Variants in VIRMA observed in about 807,000 individuals in gnomAD.
VIRMA encodes protein virilizer homolog.
Under a neutral mutation model 182.4 loss-of-function variants are expected in VIRMA, and 65 were observed. The ratio of observed to expected loss-of-function variants is 0.36; its 90% CI spans 0.29 to 0.44. The LOEUF (loss-of-function observed/expected upper bound fraction) is 0.44. Among genes scored for constraint, VIRMA ranks in the 20% least tolerant of loss-of-function variants. The pLI is 1.00. For synonymous variants in VIRMA, 709 were observed against 743.1 expected, an observed-to-expected ratio of 0.95 and a Z score of 0.75; for missense variants, 1,752 against 2,158.1, an observed-to-expected ratio of 0.81 and a Z score of 3.73.
intron 15 of VIRMA, among the ~76,000 whole-genome samples, chr8:94,507,287 C>T (rs1343356676): frequency 6.6e-6 from 1 of 151,738 alleles, no homozygotes. Flanking sequence ...AGGAATGCAG[C>T]ACCACACCCG....
chr8:94,543,401 C>CAAAA (rs1162030319), intron 2 of VIRMA, among the ~76,000 whole-genome samples: 1,104 of 43,134 alleles, frequency 0.026, 20 homozygotes, highest in Non-Finnish European at 0.038. Flanking sequence ...AACTCCATCT[C>CAAAA]AAAAAAAAAA....
chr8:94,509,625 TACACACACACAC>T, intron 15 of VIRMA, 51 bp downstream of exon 15: 1 of 1,412,364 alleles, frequency 7.1e-7, no homozygotes, highest in Non-Finnish European at 9.5e-7. Context: ...GATGCTTAAA[TACACACACACAC>T]ACACACACAT....
Position 94,527,356 on chromosome 8 carries a change from A to G in VIRMA, c.888T>C (p.Asp296=), listed in dbSNP as rs1372441534. The G allele has an allele frequency of 6.4e-7, 1 of 1,555,832 alleles. No individual in the cohort carries two copies. Among genetic ancestry groups the G allele is most frequent in the East Asian group, 2.3e-5 (1 of 44,082 alleles). ...GEEDEEGEGD[D]GYEQISSDED... ...CATCACTGGAAATTTGTTCATAACC[A>G]TCATCCCCTGAAAATTAGTATGAAT... The change falls in exon 8 of 24, where the codon GAT becomes GAC. Residue 296 remains aspartate (D), a synonymous_variant. Coordinates refer to ENST00000297591, the MANE Select transcript of VIRMA (RefSeq NM_015496.5).
At chr8:94,490,252 A>G in intron 22 of VIRMA, 170 bp from the exon 23 acceptor site, 1 of 632,592 alleles carries the variant, frequency 1.6e-6, no homozygotes, top group South Asian at 2.5e-5. Context: ...GAGGCTCTAG[A>G]GCCAAACTGC....
chr8:94,539,201 C>A (rs902073631), intron 2 of VIRMA, among the ~76,000 whole-genome samples: 1 of 152,024 alleles, frequency 6.6e-6, no homozygotes, highest in Non-Finnish European at 1.5e-5. Flanking sequence ...TGTTTCCTTT[C>A]GTTACCAAAA....
intron 20 of VIRMA, among the ~76,000 whole-genome samples, chr8:94,494,048 CA>C (rs1813689411): frequency 6.6e-6 from 1 of 152,156 alleles, no homozygotes; most frequent in African/African-American, 2.4e-5. Flanking sequence ...AACCCAAATG[CA>C]AGAATAAACT....
At chr8:94,496,081 T>C (rs994189364) in intron 18 of VIRMA, 190 bp from the exon 19 acceptor site, 11 of 629,098 alleles carry the variant, frequency 1.7e-5, no homozygotes, top group African/African-American at 7.4e-5. Flanking sequence ...TTCTAAACAA[T>C]AGCAGCAGAG....
intron 3 of VIRMA, among the ~76,000 whole-genome samples, chr8:94,537,374 A>G (rs2304766): frequency 0.15 from 22,784 of 152,214 alleles, 2,098 homozygotes; most frequent in South Asian, 0.3. Context: ...TATGGACATC[A>G]ATAAATTTTT....
At chr8:94,515,440 C>A (rs950544749) in intron 10 of VIRMA, among the ~76,000 whole-genome samples, 9 of 152,156 alleles carry the variant, frequency 5.9e-5, no homozygotes, top group South Asian at 2.1e-4. Context: ...AGTGTGATCA[C>A]GGCTCACTGC....
chr8:94,496,169 G>A, intron 18 of VIRMA, 159 bp downstream of exon 18: 1 of 674,768 alleles, frequency 1.5e-6, no homozygotes, highest in East Asian at 2.8e-5. Context: ...ACAGGATGGA[G>A]GACTTCACTT....
rs546139995 is a variant in VIRMA, at chr8:94,544,708, T to C, written c.64-766A>G. Among the ~76,000 whole-genome samples the C allele has an allele frequency of 2.5e-4, 38 of 149,090 alleles. No homozygotes were observed. In the South Asian group the frequency reaches 6.2e-3, roughly 24 times the overall value. On this transcript the variant is annotated intron_variant, in intron 1 of 23. Coordinates refer to ENST00000297591, the MANE Select transcript of VIRMA (RefSeq NM_015496.5). ...AAAAAAAAGATTATAACAAGCACCA[T>C]ATCAGTTCAGATTAGACTGCATGGC...
chr8:94,489,126 A>G (rs970206596), intron 23 of VIRMA, among the ~76,000 whole-genome samples: 1 of 152,240 alleles, frequency 6.6e-6, no homozygotes, highest in African/African-American at 2.4e-5. Flanking sequence ...GATAAGTAAA[A>G]TTCTGGACTA....
chr8:94,510,916 G>C, intron 13 of VIRMA: 1 of 1,195,480 alleles, frequency 8.4e-7, no homozygotes, highest in Non-Finnish European at 1.1e-6. Context: ...TAAGGTGTGG[G>C]GGAAAGGATT....
rs376087934 is a variant in VIRMA, at chr8:94,494,966, G to A, written c.4545-10C>T. 1.3e-6 allele frequency: 2 copies of A among 1,542,840 alleles called. No individual in the cohort carries two copies. The highest frequency in any genetic ancestry group is 1.8e-6 in the Non-Finnish European group (2 of 1,121,242). On this transcript the variant is annotated splice_polypyrimidine_tract_variant and intron_variant, in intron 19 of 23. Coordinates refer to ENST00000297591, the MANE Select transcript of VIRMA (RefSeq NM_015496.5). The stretch of plus-strand genomic sequence containing the variant: ...AAGCACATAGGCAGTCCTGGAACAA[G>A]AAAAGTATCTGGTGAAAAGCAGAAT...
intron 8 of VIRMA, among the ~76,000 whole-genome samples, chr8:94,522,472 A>G (rs1188568598): frequency 6.6e-6 from 1 of 152,126 alleles, no homozygotes; most frequent in Non-Finnish European, 1.5e-5. Flanking sequence ...ATAGGACAAT[A>G]GAGCCTTGCC....
rs1813757891 is a variant in VIRMA, at chr8:94,495,907, G to T, written c.4384-16C>A. 1.2e-6 allele frequency: 2 copies of T among 1,607,286 alleles called. No homozygotes were observed. The highest frequency in any genetic ancestry group is 2.7e-5 in the African/African-American group (2 of 74,656). ...TTGAATGTTCCTAGATACAAATAAA[G>T]GCAGAATAAGAAGGTGCAGGTAAAA... On this transcript the variant is annotated splice_polypyrimidine_tract_variant and intron_variant, in intron 18 of 23. Coordinates refer to ENST00000297591, the MANE Select transcript of VIRMA (RefSeq NM_015496.5).
intron 15 of VIRMA, among the ~76,000 whole-genome samples, chr8:94,509,351 G>C (rs1461908130): frequency 1.3e-5 from 2 of 151,212 alleles, no homozygotes; most frequent in Admixed American, 6.6e-5. Context: ...GCAGTGAGCT[G>C]AGATCACGCC....
Position 94,528,807 on chromosome 8 carries a change from T to C in VIRMA, c.880+263A>G, listed in dbSNP as rs138114032. On this transcript the variant is annotated intron_variant, in intron 7 of 23. Transcript: ENST00000297591. ...GCTGATGCTGTCAAAGGGAAACTCA[T>C]ACTGTAGCAAGTCAAACAGAAAACT... Among the ~76,000 whole-genome samples the C allele has an allele frequency of 3.9e-5, 6 of 152,310 alleles. No individual in the cohort carries two copies. In the East Asian group the frequency reaches 7.7e-4, roughly 20 times the overall value.
At position 94,519,245 on chromosome 8, in the gene VIRMA, A is replaced by G; in HGVS notation, c.2253T>C (p.Gly751=). The G allele has an allele frequency of 6.2e-7, 1 of 1,614,180 alleles. No individual in the cohort carries two copies. ...QDEEEGLQSD[G]VIDDAFALWL... ...ACAAGGCAAATGCATCATCAATAAC[A>G]CCATCAGATTGGAGACCTTCCTCCT... The change falls in exon 9 of 24, where the codon GGT becomes GGC. Residue 751 remains glycine, a synonymous_variant. Transcript: ENST00000297591.
Sources: allele counts gnomAD v4.1 joint callset (sites outside exome capture counted in the v4.1 genomes callset), GRCh38; gene constraint gnomAD v4.1.1; transcripts MANE v1.5; gene names NCBI Gene and HGNC (gene_info 2026-07-23, HGNC 2026-07-21).